Variants in PPM1G observed in about 807,000 individuals in gnomAD.
PPM1G encodes the protein protein phosphatase, Mg2+/Mn2+ dependent 1G.
In PPM1G, 12 loss-of-function variants were observed where a neutral mutation model predicts 59.4. The observed-to-expected ratio is 0.20, with a 90% CI of 0.13 to 0.33. The LOEUF is 0.33. Among genes scored for constraint, PPM1G ranks in the 10% least tolerant of loss-of-function variants. The pLI is 1.00. For missense variants in PPM1G, 392 were observed against 681.3 expected (o/e 0.58, Z 4.73); for synonymous variants, 245 against 251.9 (o/e 0.97, Z 0.26).
chr2:27,388,580 G>T (rs1008980578), intron 1 of PPM1G, among the ~76,000 whole-genome samples: 1 of 151,654 alleles, frequency 6.6e-6, no homozygotes, highest in Non-Finnish European at 1.5e-5. Flanking sequence ...AGTTAAAAAA[G>T]TATCTACATG....
chr2:27,393,612 G>A (rs756785717), intron 1 of PPM1G, among the ~76,000 whole-genome samples: 28 of 152,148 alleles, frequency 1.8e-4, no homozygotes, highest in Non-Finnish European at 3.2e-4. Flanking sequence ...CTGAGAAAGA[G>A]TCTCACTCTG....
intron 1 of PPM1G, among the ~76,000 whole-genome samples, chr2:27,388,644 G>A (rs145363552): frequency 0.029 from 4,372 of 152,094 alleles, 208 homozygotes; most frequent in African/African-American, 0.1. Context: ...GGGAGGCCCA[G>A]GCAGGCGGAT....
intron 1 of PPM1G, among the ~76,000 whole-genome samples, chr2:27,401,742 G>A (rs141498074): frequency 1.3e-5 from 2 of 152,134 alleles, no homozygotes; most frequent in African/African-American, 2.4e-5. Flanking sequence ...AAGAGAATTC[G>A]CTTGAACCTG....
In PPM1G at chr2:27,382,825, TTTTG is replaced by T. The variant is rs1305463292; in HGVS notation, c.1202-224_1202-221del. Among the ~76,000 whole-genome samples the T allele has an allele frequency of 2.6e-5, 3 of 114,386 alleles. No individual in the cohort carries two copies. Among genetic ancestry groups the T allele is most frequent in the African/African-American group, 1.4e-4 (3 of 21,938 alleles). The allele number at this position is 114,386 out of a possible 152,430, so 75.0% of individuals were successfully genotyped here. On this transcript the variant is annotated intron_variant, in intron 7 of 9. Transcript: ENST00000344034. This position sits in a 1 kb window ranked among gnomAD's most constrained non-coding sequence, Gnocchi z 4.2. ...CACTGGTCTTTTTATTTTAAGTCTT[TTTTG>T]TTTTTTTTTTTTTGAGACGGAGTTT...
Position 27,383,309 on chromosome 2 carries a change from G to T in PPM1G, c.1201+57C>A. On this transcript the variant is annotated intron_variant, in intron 7 of 9. Transcript: ENST00000344034. The surrounding 1 kb of genome is among the most constrained non-coding windows in gnomAD (Gnocchi z 5.0). ...TAGGAAGATTAAAGTTTGCTACTAGGTAGTCTGGGACAGAGAGAAAGACCC... is the reference window on the plus strand; with the variant it reads ...TAGGAAGATTAAAGTTTGCTACTAGTTAGTCTGGGACAGAGAGAAAGACCC... The T allele has an allele frequency of 6.7e-7, 1 of 1,502,922 alleles. No individual in the cohort carries two copies. The highest frequency in any genetic ancestry group is 1.1e-5 in the South Asian group (1 of 88,108). The allele number at this position is 1,502,922 out of a possible 1,614,324, so 93.1% of individuals were successfully genotyped here.
At position 27,382,109 on chromosome 2, in the gene PPM1G, T is replaced by C. The variant is rs1286666106; in HGVS notation, c.1434+17A>G. Reference sequence around the variant, plus strand: ...TGTGCAGACCAGACACCCTCTCTTCTCCACCCTGGTACTCACCTCTTCCAC... The same window carrying C: ...TGTGCAGACCAGACACCCTCTCTTCCCCACCCTGGTACTCACCTCTTCCAC... On this transcript the variant is annotated intron_variant, in intron 9 of 9. Transcript: ENST00000344034. This position sits in a 1 kb window ranked among gnomAD's most constrained non-coding sequence, Gnocchi z 4.2. The C allele has an allele frequency of 6.2e-7, 1 of 1,608,244 alleles. No individual in the cohort carries two copies.
chr2:27,392,851 G>A, intron 1 of PPM1G: 2 of 1,475,978 alleles, frequency 1.4e-6, no homozygotes, highest in Non-Finnish European at 1.9e-6. Context: ...GCCAGATTCG[G>A]GCGCTCCCAT....
In PPM1G at chr2:27,386,176, C is replaced by T. The variant is rs771305926; in HGVS notation, c.276+18G>A. 19 of 1,592,258 alleles carry T rather than the reference C, an allele frequency of 1.2e-5. No individual in the cohort carries two copies. The highest frequency in any genetic ancestry group is 3.3e-5 in the South Asian group (3 of 90,578). The stretch of plus-strand genomic sequence containing the variant: ...AAAGCCTACACAAGTGAGGAATGGG[C>T]GGTGTAAGCAGACAGACCTTCTGTA... On this transcript the variant is annotated intron_variant, in intron 3 of 9. Coordinates refer to ENST00000344034, the MANE Select transcript of PPM1G (RefSeq NM_177983.3).
At chr2:27,393,625 G>A (rs191858570) in intron 1 of PPM1G, among the ~76,000 whole-genome samples, 7 of 152,134 alleles carry the variant, frequency 4.6e-5, no homozygotes, top group African/African-American at 9.6e-5. Flanking sequence ...TCACTCTGTC[G>A]CCAGGCTGGA....
chr2:27,388,208 A>G (rs186148666), intron 1 of PPM1G, among the ~76,000 whole-genome samples: 511 of 151,842 alleles, frequency 3.4e-3, no homozygotes, highest in Non-Finnish European at 5.8e-3. Flanking sequence ...CAAGAGATCA[A>G]TACCATCCTG....
At chr2:27,396,541 G>A (rs528952411) in intron 1 of PPM1G, among the ~76,000 whole-genome samples, 6 of 151,418 alleles carry the variant, frequency 4.0e-5, no homozygotes, top group East Asian at 2.0e-4. Flanking sequence ...AAGGCCGGGC[G>A]TGGTGGCTCA....
At chr2:27,408,164 G>C (rs1663424632) in intron 1 of PPM1G, among the ~76,000 whole-genome samples, 1 of 152,022 alleles carries the variant, frequency 6.6e-6, no homozygotes, top group Non-Finnish European at 1.5e-5. Context: ...TATAAAATTT[G>C]AATCGGAAAA....
At chr2:27,393,467 G>A in intron 1 of PPM1G, 1 of 796,158 alleles carries the variant, frequency 1.3e-6, no homozygotes, top group East Asian at 2.6e-5. Context: ...TGGTGAAGAG[G>A]TGACGGAGGG....
chr2:27,387,212 G>C, intron 1 of PPM1G, 54 bp from the exon 2 acceptor site: 1 of 1,456,278 alleles, frequency 6.9e-7, no homozygotes, highest in Non-Finnish European at 9.6e-7. Flanking sequence ...ATATTCCTCA[G>C]GTCATAGGGA....
At chr2:27,399,968 G>C (rs1025047833) in intron 1 of PPM1G, among the ~76,000 whole-genome samples, 1 of 118,326 alleles carries the variant, frequency 8.5e-6, no homozygotes, top group Non-Finnish European at 1.8e-5. Context: ...AAAAAAAAAA[G>C]TGGAAATCCA....
intron 1 of PPM1G, among the ~76,000 whole-genome samples, chr2:27,391,309 CA>C (rs1683895252): frequency 6.6e-6 from 1 of 152,194 alleles, no homozygotes; most frequent in East Asian, 1.9e-4. Context: ...CAACAGTGTA[CA>C]AGTGTCTGCT....
At chr2:27,403,884 A>AG (rs904027550) in intron 1 of PPM1G, among the ~76,000 whole-genome samples, 19 of 152,064 alleles carry the variant, frequency 1.2e-4, no homozygotes, top group Non-Finnish European at 2.5e-4. Context: ...AAAAAAAAAA[A>AG]AGAGAGAGAG....
At chr2:27,390,028 T>A (rs1284525057) in intron 1 of PPM1G, among the ~76,000 whole-genome samples, 1 of 117,990 alleles carries the variant, frequency 8.5e-6, no homozygotes, top group East Asian at 2.0e-4. Context: ...TTCAGCATCT[T>A]GTTTTCTTTT....
intron 1 of PPM1G, among the ~76,000 whole-genome samples, chr2:27,387,941 G>A (rs1683808771): frequency 6.6e-6 from 1 of 151,938 alleles, no homozygotes; most frequent in African/African-American, 2.4e-5. Context: ...TGGGACTACA[G>A]GCACCCACCA....
Sources: allele counts gnomAD v4.1 joint callset (sites outside exome capture counted in the v4.1 genomes callset), GRCh38; gene constraint gnomAD v4.1.1; non-coding constraint Gnocchi (gnomAD v3.1); transcripts MANE v1.5; gene names NCBI Gene and HGNC (gene_info 2026-07-23, HGNC 2026-07-21).